The following TG variants were observed in gnomAD, a reference collection of about 807,000 sequenced individuals.
TG encodes the protein thyroglobulin, also known as thyroid hormones.
TG carries 270 observed loss-of-function variants against 324.7 expected under a neutral mutation model. The ratio of observed to expected loss-of-function variants is 0.83; its 90% CI spans 0.75 to 0.92. TG has a LOEUF of 0.92. TG is among the 40% of genes least tolerant of loss of function. The probability of loss-of-function intolerance (pLI) is 0.00; values close to 1 mark genes in which losing one functional copy is unlikely to be tolerated. For missense variants in TG, 3,591 were observed against 3,456.4 expected (o/e 1.04, Z -0.98); for synonymous variants, 1,401 against 1,327.0 (o/e 1.06, Z -1.21).
At chr8:132,946,942 A>G (rs1045257291) in intron 26 of TG, among the ~76,000 whole-genome samples, 1 of 152,036 alleles carries the variant, frequency 6.6e-6, no homozygotes, top group African/African-American at 2.4e-5. Context: ...GGAAAAACGC[A>G]CTCTGCCTCT....
At chr8:133,038,438 T>A (rs1457548383) in intron 41 of TG, 10 of 1,044,924 alleles carry the variant, frequency 9.6e-6, no homozygotes, top group Non-Finnish European at 1.3e-5. Context: ...CTCCCAGGGA[T>A]CAGGGAACCT....
At chr8:132,957,626 C>T (rs1827086597) in intron 27 of TG, among the ~76,000 whole-genome samples, 1 of 152,138 alleles carries the variant, frequency 6.6e-6, no homozygotes, top group South Asian at 2.1e-4. Flanking sequence ...AGACCTTCCT[C>T]TTGACATTTC....
intron 41 of TG, among the ~76,000 whole-genome samples, chr8:133,030,291 A>G (rs1836506457): frequency 6.6e-6 from 1 of 152,168 alleles, no homozygotes; most frequent in Non-Finnish European, 1.5e-5. Flanking sequence ...ATTAGGATTT[A>G]GTGATCTGAA....
chr8:132,935,370 T>A (rs1823428515), intron 24 of TG, among the ~76,000 whole-genome samples: 1 of 151,718 alleles, frequency 6.6e-6, no homozygotes, highest in African/African-American at 2.4e-5. Context: ...TCTTGAACTC[T>A]AGACCCCAAA....
intron 39 of TG, among the ~76,000 whole-genome samples, chr8:133,020,804 A>G (rs1160265470): frequency 6.6e-6 from 1 of 152,194 alleles, no homozygotes; most frequent in Non-Finnish European, 1.5e-5. Context: ...CCTTGGGTGG[A>G]AGATCAAATG....
intron 8 of TG, among the ~76,000 whole-genome samples, chr8:132,885,525 A>G (rs1815280132): frequency 6.6e-6 from 1 of 152,176 alleles, no homozygotes; most frequent in African/African-American, 2.4e-5. Context: ...CTTGCCCTCA[A>G]GGAGACCATA....
rs1310734635 is a variant in TG, at chr8:132,961,192, C to G, written c.5467+119C>G. 3 of 1,004,540 alleles carry G rather than the reference C, an allele frequency of 3.0e-6. No individual in the cohort carries two copies. The Admixed American group carries it at 5.7e-5, about 19-fold the overall frequency. The allele number at this position is 1,004,540 out of a possible 1,614,324, so 62.2% of individuals were successfully genotyped here. ...AGAGGAATAGGTAGAGAGTCACTTT[C>G]CAAATGCATACTTTCTGTGGAATAG... On this transcript the variant is annotated intron_variant, in intron 28 of 47. Transcript: ENST00000220616.
At chr8:133,088,729 T>G (rs2005162) in intron 41 of TG, among the ~76,000 whole-genome samples, 25 of 152,082 alleles carry the variant, frequency 1.6e-4, no homozygotes, top group African/African-American at 6.0e-4. Context: ...CTAGATCATG[T>G]CTATACCAAC....
At chr8:133,015,613 A>G (rs1490502391) in intron 37 of TG, among the ~76,000 whole-genome samples, 1 of 152,164 alleles carries the variant, frequency 6.6e-6, no homozygotes, top group Non-Finnish European at 1.5e-5. Flanking sequence ...TTCAGCCTTT[A>G]TATTTGTTCT....
chr8:133,028,609 A>T (rs62515998), intron 40 of TG, among the ~76,000 whole-genome samples: 28,609 of 152,136 alleles, frequency 0.19, 3,538 homozygotes, highest in Non-Finnish European at 0.27. Flanking sequence ...CAACAACCTT[A>T]TGAGGAAGTG....
chr8:132,948,975 A>C, intron 27 of TG, 32 bp downstream of exon 27: 1 of 1,606,750 alleles, frequency 6.2e-7, no homozygotes, highest in Non-Finnish European at 8.5e-7. Flanking sequence ...ATATTCTTTC[A>C]AAATTACTCT....
At chr8:132,955,041 A>G (rs543169926) in intron 27 of TG, among the ~76,000 whole-genome samples, 1 of 152,114 alleles carries the variant, frequency 6.6e-6, no homozygotes, top group Non-Finnish European at 1.5e-5. Flanking sequence ...GCTAGGCACC[A>G]TCTGCTGGGA....
Position 132,887,474 on chromosome 8 carries a change from C to T in TG, c.2102C>T (p.Ser701Leu), listed in dbSNP as rs762307517. ...TTCCTGCCTGTCCAGTGCTTCAACT[C>T]AGAGTGCTACTGTGTTGATGCTGAG... is the stretch of plus-strand genomic sequence containing the variant. ...GHFLPVQCFNSECYCVDAEGQ... is the reference protein window; with the variant it reads ...GHFLPVQCFNLECYCVDAEGQ... The change falls in exon 9 of 48, where the codon TCA (serine) becomes TTA (leucine). Residue 701 changes from serine (S) to leucine (L), a missense_variant. Ser to Leu is a moderately radical substitution (Grantham distance 145). Transcript: ENST00000220616. 6.2e-7 allele frequency: 1 copy of T among 1,614,194 alleles called. No individual in the cohort carries two copies. Among genetic ancestry groups the T allele is most frequent in the South Asian group, 1.1e-5 (1 of 91,088 alleles).
chr8:133,095,768 A>C (rs1260295673), intron 42 of TG, among the ~76,000 whole-genome samples: 1 of 152,222 alleles, frequency 6.6e-6, no homozygotes, highest in African/African-American at 2.4e-5. Flanking sequence ...TGATGGCCTG[A>C]TCGCCTTAGC....
chr8:133,059,044 T>G (rs1270849289), intron 41 of TG: 1 of 456,864 alleles, frequency 2.2e-6, no homozygotes, highest in Non-Finnish European at 4.4e-6. Context: ...GCCACAGAAG[T>G]CATGAAATGT....
intron 43 of TG, chr8:133,102,650 C>T: frequency 2.3e-6 from 3 of 1,295,510 alleles, no homozygotes; most frequent in South Asian, 1.3e-5. Flanking sequence ...TCATCAGTCG[C>T]TGTCATGGGG....
chr8:133,119,227 G>T (rs561105611), intron 45 of TG, among the ~76,000 whole-genome samples: 1 of 152,076 alleles, frequency 6.6e-6, no homozygotes, highest in Non-Finnish European at 1.5e-5. Context: ...TCATTTCCCC[G>T]GAGCACCCAT....
intron 8 of TG, chr8:132,883,277 G>T: frequency 2.2e-6 from 1 of 451,914 alleles, no homozygotes; most frequent in Non-Finnish European, 4.0e-6. Context: ...CATGTGCGGT[G>T]AGACAGGAGC....
chr8:133,061,168 C>T (rs7833610), intron 41 of TG, among the ~76,000 whole-genome samples: 2,586 of 152,254 alleles, frequency 0.017, 67 homozygotes, highest in African/African-American at 0.06. Context: ...ACATGCCACA[C>T]CCAGCTAATT....
Sources: gnomAD v4.1 joint callset for allele counts (sites outside exome capture counted in the v4.1 genomes callset) on GRCh38, gnomAD v4.1.1 for gene constraint, MANE v1.5 for transcripts, NCBI Gene and HGNC (gene_info 2026-07-23, HGNC 2026-07-21) for gene names.